KIAA0825: variants seen among roughly 807,000 people sequenced by gnomAD.
The protein encoded by KIAA0825 is KIAA0825.
KIAA0825 carries 119 observed loss-of-function variants against 147.6 expected under a neutral mutation model. The ratio of observed to expected loss-of-function variants is 0.81; its 90% confidence interval spans 0.69 to 0.94. The LOEUF (loss-of-function observed/expected upper bound fraction) is 0.94, where lower values mean the gene tolerates loss of function less well. KIAA0825 is among the 40% of genes least tolerant of loss of function. KIAA0825 has a pLI of 0.00. For missense variants in KIAA0825, 1,381 were observed against 1,472.7 expected (o/e 0.94, Z 1.02); for synonymous variants, 470 against 518.1 (o/e 0.91, Z 1.26).
intron 20 of KIAA0825, among the ~76,000 whole-genome samples, chr5:94,286,822 G>C (rs922324306): frequency 5.3e-5 from 8 of 152,190 alleles, no homozygotes; most frequent in African/African-American, 1.9e-4. Flanking sequence ...TTCACCTATG[G>C]GGGACTGTGT....
intron 20 of KIAA0825, among the ~76,000 whole-genome samples, chr5:94,173,524 G>A (rs115840240): frequency 0.022 from 3,307 of 152,200 alleles, 64 homozygotes; most frequent in Non-Finnish European, 0.035. Context: ...GCAGCTCCCC[G>A]TTGTTTGGAC....
chr5:94,225,952 G>A (rs1459323890), intron 20 of KIAA0825, among the ~76,000 whole-genome samples: 1 of 152,114 alleles, frequency 6.6e-6, no homozygotes, highest in Admixed American at 6.5e-5. Flanking sequence ...ACATAGGCAG[G>A]GCAAAGACTT....
Position 94,403,550 on chromosome 5 carries a change from G to C in KIAA0825, c.2887+19C>G, listed in dbSNP as rs564950443. On this transcript the variant is annotated intron_variant, in intron 16 of 20. Transcript: ENST00000682413. ...GCTTCTTCAGGTGTATTTTCTTAAAGAGAAACAAGTGTACTTACTTTTGCA... is the reference window on the plus strand; with the variant it reads ...GCTTCTTCAGGTGTATTTTCTTAAACAGAAACAAGTGTACTTACTTTTGCA... 7 of 1,539,994 alleles carry C rather than the reference G, an allele frequency of 4.5e-6. No homozygotes were observed. The African/African-American group carries it at 8.3e-5, about 18-fold the overall frequency.
rs70975895 is a variant in KIAA0825 at position 94,190,491 on chromosome 5, ATTTTTTTT to A, written c.3711-36375_3711-36368del. On this transcript the variant is annotated intron_variant, in intron 20 of 20. Coordinates refer to ENST00000682413, the MANE Select transcript of KIAA0825 (RefSeq NM_001145678.3). ...CAGGCGCCCGCCACCACGCCCAGCT[ATTTTTTTT>A]TTTTTTTTTTTTTTTGTCTAATACG... Among the ~76,000 whole-genome samples the A allele has an allele frequency of 8.5e-4, 90 of 106,276 alleles. 1 individual carries two copies. The highest frequency in any genetic ancestry group is 7.9e-3 in the South Asian group (25 of 3,170). 69.7% of individuals were successfully genotyped at this position (106,276 alleles called of 152,430 possible).
chr5:94,289,710 A>C (rs1184302890), intron 20 of KIAA0825, among the ~76,000 whole-genome samples: 1 of 151,426 alleles, frequency 6.6e-6, no homozygotes, highest in East Asian at 1.9e-4. Flanking sequence ...ACAAACAAGT[A>C]AAATAACAAC....
At chr5:94,397,439 T>C (rs1360711278) in intron 16 of KIAA0825, among the ~76,000 whole-genome samples, 1 of 152,220 alleles carries the variant, frequency 6.6e-6, no homozygotes, top group Non-Finnish European at 1.5e-5. Context: ...CCTTAGAAGA[T>C]TATTCAAATA....
At chr5:94,609,833 G>T (rs1788357659) in intron 1 of KIAA0825, among the ~76,000 whole-genome samples, 1 of 151,820 alleles carries the variant, frequency 6.6e-6, no homozygotes, top group East Asian at 1.9e-4. Flanking sequence ...AGAAAAGAAA[G>T]CAACATAGAA....
At chr5:94,405,162 T>C (rs971675901) in intron 15 of KIAA0825, among the ~76,000 whole-genome samples, 3 of 152,210 alleles carry the variant, frequency 2.0e-5, no homozygotes, top group Admixed American at 1.3e-4. Context: ...AGTTTTTGTA[T>C]GTTCACTAAG....
At chr5:94,538,348 G>A (rs979234080) in intron 2 of KIAA0825, among the ~76,000 whole-genome samples, 2 of 152,206 alleles carry the variant, frequency 1.3e-5, no homozygotes, top group Admixed American at 6.5e-5. Flanking sequence ...AAGCTATGGG[G>A]AAAGAAGTAA....
At chr5:94,502,745 C>T (rs1380135027) in intron 5 of KIAA0825, among the ~76,000 whole-genome samples, 1 of 152,018 alleles carries the variant, frequency 6.6e-6, no homozygotes, top group African/African-American at 2.4e-5. Flanking sequence ...TTATTTCAGA[C>T]CATCAATATC....
intron 6 of KIAA0825, among the ~76,000 whole-genome samples, chr5:94,482,216 A>G (rs527756088): frequency 3.9e-5 from 6 of 152,206 alleles, no homozygotes; most frequent in East Asian, 3.9e-4. Flanking sequence ...AGAACGGCCA[A>G]TTTGGCTAAG....
intron 20 of KIAA0825, among the ~76,000 whole-genome samples, chr5:94,250,201 C>G (rs924897558): frequency 6.6e-6 from 1 of 152,032 alleles, no homozygotes; most frequent in African/African-American, 2.4e-5. Flanking sequence ...AGAAATCATA[C>G]TACATTTTAA....
intron 18 of KIAA0825, among the ~76,000 whole-genome samples, chr5:94,389,326 C>T (rs889383838): frequency 5.3e-5 from 8 of 152,198 alleles, no homozygotes; most frequent in African/African-American, 1.7e-4. Context: ...CCATTGGACT[C>T]TCTTCCCTGT....
intron 2 of KIAA0825, among the ~76,000 whole-genome samples, chr5:94,541,921 G>T (rs542100835): frequency 1.3e-5 from 2 of 152,232 alleles, no homozygotes; most frequent in South Asian, 4.1e-4. Flanking sequence ...CCAAAATTAT[G>T]CAAAACTTAT....
At chr5:94,293,908 G>GT (rs1778020608) in intron 20 of KIAA0825, among the ~76,000 whole-genome samples, 1 of 151,832 alleles carries the variant, frequency 6.6e-6, no homozygotes. Context: ...TTTAAAGTCT[G>GT]TTTTTTTCAG....
intron 2 of KIAA0825, among the ~76,000 whole-genome samples, chr5:94,552,997 T>G (rs1775823212): frequency 6.6e-6 from 1 of 152,228 alleles, no homozygotes; most frequent in South Asian, 2.1e-4. Flanking sequence ...TATTTTCAAA[T>G]AGCTAGAAGA....
In KIAA0825 at chr5:94,471,540, T is replaced by A; in HGVS notation, c.1647A>T (p.Thr549=). 1 of 1,552,038 alleles carries A rather than the reference T, an allele frequency of 6.4e-7. No individual in the cohort carries two copies. The highest frequency in any genetic ancestry group is 8.7e-7 in the Non-Finnish European group (1 of 1,147,058). Residue 549 remains threonine (T), a synonymous_variant, in exon 9 of 21, where the codon ACA becomes ACT. Transcript: ENST00000682413. ...AGACATACACCGCTGTGGAGAGGTA[T>A]GTGTGCAAGTTTTTCAGGGGTGCTT... The part of the protein sequence containing the change: ...PSKAPLKNLH[T]YLSTAVYVFQ...
At chr5:94,267,497 G>C (rs1345772701) in intron 20 of KIAA0825, among the ~76,000 whole-genome samples, 4 of 152,068 alleles carry the variant, frequency 2.6e-5, no homozygotes, top group Non-Finnish European at 5.9e-5. Flanking sequence ...GAAACCGTGT[G>C]TATCACTGAG....
rs768533366 is a variant in KIAA0825, at chr5:94,261,517, A to G, written c.3711-107393T>C. 7.0e-4 allele frequency among the ~76,000 whole-genome samples: 107 copies of G among 152,278 alleles called. 1 individual carries two copies. The highest frequency in any genetic ancestry group is 1.3e-3 in the Admixed American group (20 of 15,280). On this transcript the variant is annotated intron_variant, in intron 20 of 20. Coordinates refer to ENST00000682413, the MANE Select transcript of KIAA0825 (RefSeq NM_001145678.3). Reference sequence around the variant, plus strand: ...TGAGAAAGGCCGACCTTAAATAAAAATAGATGTTGGTAGATTGAGAGATAA... The same window carrying G: ...TGAGAAAGGCCGACCTTAAATAAAAGTAGATGTTGGTAGATTGAGAGATAA...
Sources: gnomAD v4.1 joint callset for allele counts (sites outside exome capture counted in the v4.1 genomes callset) on GRCh38, gnomAD v4.1.1 for gene constraint, MANE v1.5 for transcripts, NCBI Gene and HGNC (gene_info 2026-07-23, HGNC 2026-07-21) for gene names.